UBE2E2: variants seen among roughly 807,000 people sequenced by gnomAD.
UBE2E2 encodes ubiquitin conjugating enzyme E2 E2.
Under a neutral mutation model 24.7 loss-of-function variants are expected in UBE2E2, and 6 were observed. The observed-to-expected ratio is 0.24, with a 90% CI of 0.13 to 0.48. The LOEUF (loss-of-function observed/expected upper bound fraction) is 0.48, where lower values mean the gene tolerates loss of function less well. UBE2E2 is among the 20% of genes least tolerant of loss of function. UBE2E2 has a pLI of 0.99. For synonymous variants in UBE2E2, 104 were observed against 83.6 expected (o/e 1.24, Z -1.33); for missense variants, 169 against 245.0 (o/e 0.69, Z 2.07).
intron 5 of UBE2E2, among the ~76,000 whole-genome samples, chr3:23,554,285 G>C (rs1695720916): frequency 6.6e-6 from 1 of 152,130 alleles, no homozygotes; most frequent in African/African-American, 2.4e-5. Flanking sequence ...AGGGTACCAA[G>C]AAGACACAAT....
chr3:23,518,556 T>C (rs946923850), intron 4 of UBE2E2, among the ~76,000 whole-genome samples: 4 of 152,252 alleles, frequency 2.6e-5, no homozygotes, highest in African/African-American at 7.2e-5. Context: ...TCCATCCTTA[T>C]AAGGATGCCT....
chr3:23,274,511 A>T (rs910176348), intron 3 of UBE2E2, among the ~76,000 whole-genome samples: 2 of 150,686 alleles, frequency 1.3e-5, no homozygotes, highest in Non-Finnish European at 3.0e-5. Flanking sequence ...GCGCACCACC[A>T]TGCCTGGCTA....
chr3:23,316,655 T>C (rs2884731), intron 3 of UBE2E2, among the ~76,000 whole-genome samples: 77,845 of 150,764 alleles, frequency 0.52, 20,545 homozygotes, highest in Admixed American at 0.64. Flanking sequence ...CTTCTACTTT[T>C]CTCAAGCAGA....
rs200855375 is a variant in UBE2E2 at position 23,293,104 on chromosome 3, T to TGTGGTG, written c.227+75798_227+75803dup. Among the ~76,000 whole-genome samples, 87 of 152,338 alleles carry TGTGGTG rather than the reference T, an allele frequency of 5.7e-4. 3 individuals are homozygous for TGTGGTG. The East Asian group carries it at 0.015, about 27-fold the overall frequency. ...AATCAGGATAATTATGTATCCTTTTTGTGGTGGTGGTTGTGATTATTAAAT... is the reference window on the plus strand; with the variant it reads ...AATCAGGATAATTATGTATCCTTTTTGTGGTGGTGGTGGTGGTTGTGATTATTAAAT... On this transcript the variant is annotated intron_variant, in intron 3 of 5. Transcript: ENST00000396703.
chr3:23,247,318 G>A (rs1298816021), intron 3 of UBE2E2, among the ~76,000 whole-genome samples: 1 of 151,204 alleles, frequency 6.6e-6, no homozygotes, highest in Non-Finnish European at 1.5e-5. Flanking sequence ...ATCTGAATCA[G>A]AAAATAACCT....
At chr3:23,338,032 G>T (rs2125307350) in intron 3 of UBE2E2, among the ~76,000 whole-genome samples, 1 of 152,258 alleles carries the variant, frequency 6.6e-6, no homozygotes, top group South Asian at 2.1e-4. Context: ...TACCTGGGAA[G>T]TATAATAAAC....
At chr3:23,221,404 A>G (rs950739592) in intron 3 of UBE2E2, among the ~76,000 whole-genome samples, 9 of 152,142 alleles carry the variant, frequency 5.9e-5, no homozygotes, top group Admixed American at 1.3e-4. Flanking sequence ...ATATTTTGAT[A>G]CCTCCCAAAA....
chr3:23,472,688 AC>A (rs1414936523), intron 3 of UBE2E2, among the ~76,000 whole-genome samples: 2 of 149,326 alleles, frequency 1.3e-5, no homozygotes, highest in Non-Finnish European at 3.0e-5. Context: ...TTGCTCTGTC[AC>A]CCAGGCTGGA....
At chr3:23,501,628 G>A (rs190998066) in intron 4 of UBE2E2, among the ~76,000 whole-genome samples, 8 of 152,240 alleles carry the variant, frequency 5.3e-5, no homozygotes, top group African/African-American at 1.9e-4. Context: ...CATGTTTTAG[G>A]GACTATGGTG....
chr3:23,252,912 A>G (rs9882514), intron 3 of UBE2E2, among the ~76,000 whole-genome samples: 51,544 of 152,112 alleles, frequency 0.34, 8,956 homozygotes, highest in South Asian at 0.4. Context: ...ATCTAAATTG[A>G]TTAATCAGCT....
Position 23,583,066 on chromosome 3 carries a change from T to C in UBE2E2, c.509-6668T>C, listed in dbSNP as rs1696525548. 6.6e-6 allele frequency among the ~76,000 whole-genome samples: 1 copy of C among 152,150 alleles called. No individual in the cohort carries two copies. ...CCAGGGTTTTCATAGTTTTAGGTTT[T>C]ACATTTAAGTCTTTAATCCATCTTG... On this transcript the variant is annotated intron_variant, in intron 5 of 5. Coordinates refer to ENST00000396703, the MANE Select transcript of UBE2E2 (RefSeq NM_152653.4). This position sits in a 1 kb window ranked among gnomAD's most constrained non-coding sequence, Gnocchi z 4.1.
chr3:23,390,052 T>C (rs1201163929), intron 3 of UBE2E2: 1 of 152,198 alleles, frequency 6.6e-6, no homozygotes, highest in African/African-American at 2.4e-5. Flanking sequence ...GAAACAAAGT[T>C]GTGGTCCCCA....
At chr3:23,405,443 A>G (rs1262649145) in intron 3 of UBE2E2, among the ~76,000 whole-genome samples, 7 of 152,186 alleles carry the variant, frequency 4.6e-5, no homozygotes, top group African/African-American at 1.7e-4. Flanking sequence ...TTTCTCAACC[A>G]TGGCACACTG....
intron 1 of UBE2E2, among the ~76,000 whole-genome samples, chr3:23,206,724 A>G (rs919379275): frequency 9.9e-5 from 15 of 152,224 alleles, no homozygotes; most frequent in African/African-American, 3.4e-4. Context: ...TCAGTCCATT[A>G]AAGATCGGTG....
chr3:23,531,855 A>T (rs1401446555), intron 4 of UBE2E2, among the ~76,000 whole-genome samples: 1 of 152,148 alleles, frequency 6.6e-6, no homozygotes, highest in Non-Finnish European at 1.5e-5. Context: ...TGAGGTCAGG[A>T]GTTCAAGACC....
chr3:23,387,022 A>G (rs984937920), intron 3 of UBE2E2, among the ~76,000 whole-genome samples: 6 of 152,236 alleles, frequency 3.9e-5, no homozygotes, highest in African/African-American at 1.2e-4. Context: ...AAAAGTACCT[A>G]TAAAGGATTA....
intron 3 of UBE2E2, among the ~76,000 whole-genome samples, chr3:23,231,496 C>G (rs1379526613): frequency 1.3e-5 from 2 of 152,302 alleles, no homozygotes; most frequent in East Asian, 3.9e-4. Context: ...CAACACAAGA[C>G]TTCTGTAGCC....
At chr3:23,503,634 A>G (rs1014968279) in intron 4 of UBE2E2, among the ~76,000 whole-genome samples, 1 of 151,910 alleles carries the variant, frequency 6.6e-6, no homozygotes, top group African/African-American at 2.4e-5. Context: ...CAGGTGGATC[A>G]TTTGAGATCA....
chr3:23,383,728 C>T (rs1461130065), intron 3 of UBE2E2, among the ~76,000 whole-genome samples: 1 of 151,672 alleles, frequency 6.6e-6, no homozygotes, highest in Admixed American at 6.6e-5. Flanking sequence ...TCTTCTAGAG[C>T]CCTGCTTAGC....
Sources: allele counts gnomAD v4.1 joint callset (sites outside exome capture counted in the v4.1 genomes callset), GRCh38; gene constraint gnomAD v4.1.1; non-coding constraint Gnocchi (gnomAD v3.1); transcripts MANE v1.5; gene names NCBI Gene and HGNC (gene_info 2026-07-23, HGNC 2026-07-21).